NDUFAF6: variants seen among roughly 807,000 people sequenced by gnomAD.
NDUFAF6 encodes NADH dehydrogenase (ubiquinone) complex I, assembly factor 6.
In NDUFAF6, 45 loss-of-function variants were observed where a neutral mutation model predicts 40.8. The observed-to-expected ratio is 1.10, with a 90% CI of 0.87 to 1.42. NDUFAF6 has a LOEUF of 1.42. NDUFAF6 is among the 40% of genes most tolerant of loss of function. The pLI, the probability that NDUFAF6 is intolerant of heterozygous loss-of-function variation, is 0.00. For missense variants in NDUFAF6, 435 were observed against 418.5 expected, an observed-to-expected ratio of 1.04 and a Z score of -0.34; for synonymous variants, 185 against 155.9, an observed-to-expected ratio of 1.19 and a Z score of -1.39.
chr8:95,078,658 A>ATATATATATATATATATATATATAT (rs1434290595), downstream of NDUFAF6: 1 of 62,636 alleles, frequency 1.6e-5, no homozygotes, highest in African/African-American at 5.1e-5. Context: ...TTAAAAAAAA[A>ATATATATATATATATATATATATAT]AAAAATATAT....
rs966976736 is a variant in NDUFAF6, at chr8:94,930,190, A to T, written c.-935-15293A>T. The T allele has an allele frequency of 2.3e-5, 7 of 310,428 alleles. No individual in the cohort carries two copies. The Admixed American group carries it at 2.8e-4, about 12-fold the overall frequency. The allele number at this position is 310,428 out of a possible 1,614,324, so 19.2% of individuals were successfully genotyped here. A position where few individuals can be genotyped will look rare whatever the true frequency, so the allele number is the denominator to read the frequency against. On this transcript the variant is annotated intron_variant, in intron 1 of 14. Coordinates refer to the NDUFAF6 transcript ENST00000396113. Reference sequence around the variant, plus strand: ...AAGAAATGTCTTTAAAATGCTGACTAATGTATAACCTAATATATTTAAAGA... The same window carrying T: ...AAGAAATGTCTTTAAAATGCTGACTTATGTATAACCTAATATATTTAAAGA...
intron 1 of NDUFAF6, among the ~76,000 whole-genome samples, chr8:94,916,166 G>C (rs1438463056): frequency 6.6e-6 from 1 of 151,988 alleles, no homozygotes; most frequent in East Asian, 1.9e-4. Context: ...GTGTAGAAAA[G>C]AAAAAAACGA....
chr8:95,086,233 GC>G (rs1809038838), intron 2 of NDUFAF6, among the ~76,000 whole-genome samples: 1 of 152,186 alleles, frequency 6.6e-6, no homozygotes, highest in African/African-American at 2.4e-5. Flanking sequence ...AAAAAAAGCA[GC>G]CCTACCTTTA....
intron 1 of NDUFAF6, among the ~76,000 whole-genome samples, chr8:95,027,388 G>A (rs1350659426): frequency 6.6e-6 from 1 of 151,960 alleles, no homozygotes; most frequent in Non-Finnish European, 1.5e-5. Context: ...AGACCAGCCT[G>A]GGCAACATAG....
chr8:94,995,023 G>C (rs1826359963), intron 2 of NDUFAF6, among the ~76,000 whole-genome samples: 1 of 152,206 alleles, frequency 6.6e-6, no homozygotes, highest in Admixed American at 6.5e-5. Context: ...ATCTCAAAGA[G>C]ATCCATTTTC....
At chr8:94,911,156 A>T (rs958053866) in intron 1 of NDUFAF6, among the ~76,000 whole-genome samples, 1 of 152,218 alleles carries the variant, frequency 6.6e-6, no homozygotes, top group Non-Finnish European at 1.5e-5. Flanking sequence ...AGATATTAAC[A>T]CGTCTGTATT....
In NDUFAF6 at chr8:94,960,449, G is replaced by A. The variant is rs144981210; in HGVS notation, c.-199+2270G>A. Among the ~76,000 whole-genome samples, 466 of 152,196 alleles carry A rather than the reference G, an allele frequency of 3.1e-3. 1 individual carries two copies. The highest frequency in any genetic ancestry group is 1.0e-2 in the African/African-American group (414 of 41,514). Reference sequence around the variant, plus strand: ...GCTGATGACTTGTCTAAGTTCATCCGGTGGAAACTGCTCCATGTCTGTTAT... The same window carrying A: ...GCTGATGACTTGTCTAAGTTCATCCAGTGGAAACTGCTCCATGTCTGTTAT... On this transcript the variant is annotated intron_variant, in intron 1 of 9. Transcript: ENST00000396111.
chr8:95,095,053 C>A (rs570808607), intron 2 of NDUFAF6, among the ~76,000 whole-genome samples: 6 of 152,138 alleles, frequency 3.9e-5, no homozygotes, highest in Middle Eastern at 3.4e-3. Context: ...CATGCCTGGC[C>A]CACATTTTTC....
rs1209765960 is a variant in NDUFAF6 at position 95,058,608 on chromosome 8, T to G, written c.*671T>G. On this transcript the variant is annotated 3_prime_UTR_variant, in exon 9 of 9. Coordinates refer to ENST00000396124, the MANE Select transcript of NDUFAF6 (RefSeq NM_152416.4). ...TTAATCCCACTTCCTCACTCTGTCA[T>G]TCAGCATTATCATGATCGTGAACAA... The G allele has an allele frequency of 8.6e-7, 1 of 1,163,362 alleles. No individual in the cohort carries two copies. The highest frequency in any genetic ancestry group is 1.6e-5 in the African/African-American group (1 of 62,970). 72.1% of individuals were successfully genotyped at this position (1,163,362 alleles called of 1,614,324 possible). A position where few individuals can be genotyped will look rare whatever the true frequency, so the allele number is the denominator to read the frequency against.
intron 1 of NDUFAF6, among the ~76,000 whole-genome samples, chr8:94,965,054 T>C (rs1823899307): frequency 6.6e-6 from 1 of 152,162 alleles, no homozygotes; most frequent in Non-Finnish European, 1.5e-5. Flanking sequence ...CTCAGTGAGC[T>C]TAGGGCTTGG....
At chr8:95,100,871 A>T in intron 1 of NDUFAF6, among the ~76,000 whole-genome samples, 1 of 152,086 alleles carries the variant, frequency 6.6e-6, no homozygotes, top group East Asian at 1.9e-4. Flanking sequence ...AAACCAAGTT[A>T]TTTTGCTCTC....
At chr8:95,034,228 C>A in intron 2 of NDUFAF6, 2 of 357,844 alleles carry the variant, frequency 5.6e-6, no homozygotes, top group Admixed American at 6.9e-5. Flanking sequence ...TTTTATGAAT[C>A]ATTTTAGAGT....
chr8:94,948,780 AG>A (rs891052011), intron 2 of NDUFAF6, among the ~76,000 whole-genome samples: 3 of 151,838 alleles, frequency 2.0e-5, no homozygotes, highest in African/African-American at 7.3e-5. Context: ...GGGAGTGAGG[AG>A]GGGTGAGAGG....
At chr8:95,057,728 T>A in intron 8 of NDUFAF6, 81 bp from the exon 9 acceptor site, 1 of 1,111,650 alleles carries the variant, frequency 9.0e-7, no homozygotes, top group Non-Finnish European at 1.3e-6. Context: ...TAAATACTTG[T>A]AATTATTCTT....
Position 94,935,128 on chromosome 8 carries a change from TATAGATAG to T in NDUFAF6, c.-935-10315_-935-10308del, listed in dbSNP as rs56734843. Among the ~76,000 whole-genome samples, 888 of 144,744 alleles carry T rather than the reference TATAGATAG, an allele frequency of 6.1e-3. 10 individuals are homozygous for T. The highest frequency in any genetic ancestry group is 0.035 in the East Asian group (173 of 4,940). 95.0% of individuals were successfully genotyped at this position (144,744 alleles called of 152,430 possible). A position where few individuals can be genotyped will look rare whatever the true frequency, so the allele number is the denominator to read the frequency against. ...GTAGGTAGGTACATAGGTAGATAGATATAGATAGATAGATAGATAGATAGATAGATAGA... is the reference window on the plus strand; with the variant it reads ...GTAGGTAGGTACATAGGTAGATAGATATAGATAGATAGATAGATAGATAGA... On this transcript the variant is annotated intron_variant, in intron 1 of 14. Coordinates refer to the NDUFAF6 transcript ENST00000396113.
chr8:94,925,508 G>T, intron 1 of NDUFAF6, among the ~76,000 whole-genome samples: 1 of 148,324 alleles, frequency 6.7e-6, no homozygotes, highest in African/African-American at 2.5e-5. Context: ...TCCAATTCCT[G>T]TTCACTTAAG....
At chr8:95,098,204 T>C (rs1422242382), upstream of NDUFAF6, among the ~76,000 whole-genome samples, 1 of 152,168 alleles carries the variant, frequency 6.6e-6, no homozygotes, top group East Asian at 1.9e-4. Context: ...TTTAAAGCAA[T>C]GGATACCCCA....
At chr8:94,985,498 TA>T (rs1563770749) in intron 2 of NDUFAF6, among the ~76,000 whole-genome samples, 5 of 8,850 alleles carry the variant, frequency 5.6e-4, no homozygotes, top group African/African-American at 2.1e-3. Context: ...TATATATATA[TA>T]TATATATATA....
upstream of NDUFAF6, among the ~76,000 whole-genome samples, chr8:94,953,361 C>A (rs867044897): frequency 0.02 from 2,931 of 144,386 alleles, 46 homozygotes; most frequent in African/African-American, 0.036. Flanking sequence ...AAAAAAAAAA[C>A]AAAAAAAAAA....
Sources: gnomAD v4.1 joint callset for allele counts (sites outside exome capture counted in the v4.1 genomes callset) on GRCh38, gnomAD v4.1.1 for gene constraint, MANE v1.5 for transcripts, NCBI Gene and HGNC (gene_info 2026-07-23, HGNC 2026-07-21) for gene names.